PTPN5: variants seen among roughly 807,000 people sequenced by gnomAD.
PTPN5 encodes protein tyrosine phosphatase non-receptor type 5, also known as tyrosine-protein phosphatase non-receptor type 5.
In PTPN5, 29 loss-of-function variants were observed where a neutral mutation model predicts 73.9. The observed-to-expected ratio is 0.39, with a 90% CI of 0.29 to 0.54. The LOEUF (loss-of-function observed/expected upper bound fraction) is 0.54, where lower values mean the gene tolerates loss of function less well. Among genes scored for constraint, PTPN5 ranks in the 20% least tolerant of loss-of-function variants. The probability of loss-of-function intolerance (pLI) is 0.65; values close to 1 mark genes in which losing one functional copy is unlikely to be tolerated. For synonymous variants in PTPN5, 267 were observed against 304.7 expected (o/e 0.88, Z 1.29); for missense variants, 652 against 751.4 (o/e 0.87, Z 1.55).
intron 5 of PTPN5, 102 bp from the exon 6 acceptor site, chr11:18,743,177 C>G (rs1425372252): frequency 8.1e-7 from 1 of 1,229,004 alleles, no homozygotes; most frequent in Non-Finnish European, 1.2e-6. Context: ...CGTCCCAGGT[C>G]TGGGATGGGG....
At chr11:18,732,105 C>A (rs567592191) in intron 12 of PTPN5, among the ~76,000 whole-genome samples, 11 of 152,290 alleles carry the variant, frequency 7.2e-5, no homozygotes, top group African/African-American at 2.2e-4. Context: ...TTTCTGTAAC[C>A]ACAGCCCCCT....
At chr11:18,763,350 G>A (rs918152624) in intron 3 of PTPN5, among the ~76,000 whole-genome samples, 2 of 152,340 alleles carry the variant, frequency 1.3e-5, no homozygotes, top group East Asian at 1.9e-4. Flanking sequence ...TAGCGGTGAC[G>A]ACACGGGCTA....
In PTPN5 at chr11:18,728,125, G is replaced by A. The variant is rs560200289; in HGVS notation, c.*809C>T. On this transcript the variant is annotated 3_prime_UTR_variant, in exon 15 of 15. Transcript: ENST00000358540. The surrounding 1 kb of genome is among the most constrained non-coding windows in gnomAD (Gnocchi z 4.1). The stretch of plus-strand genomic sequence containing the variant: ...GGGCTCTCAACACACGCATGGACAT[G>A]GGAACACACGCAGAGCAACACGCAG... The A allele has an allele frequency of 6.6e-6, 1 of 152,604 alleles. No individual in the cohort carries two copies. The highest frequency in any genetic ancestry group is 1.5e-5 in the Non-Finnish European group (1 of 68,024). The allele number at this position is 152,604 out of a possible 1,614,324, so 9.5% of individuals were successfully genotyped here.
intron 9 of PTPN5, 86 bp downstream of exon 9, chr11:18,737,794 G>T (rs1564891135): frequency 1.7e-6 from 2 of 1,194,648 alleles, no homozygotes; most frequent in Non-Finnish European, 2.5e-6. Flanking sequence ...ACCCCTAGAG[G>T]CCCAGCTGAG....
At chr11:18,786,393 G>A (rs541122574) in intron 1 of PTPN5, among the ~76,000 whole-genome samples, 70 of 152,070 alleles carry the variant, frequency 4.6e-4, no homozygotes, top group Non-Finnish European at 3.5e-4. Flanking sequence ...TAGTAGACAC[G>A]GGATTTCACC....
chr11:18,792,108 C>T (rs954479186), upstream of PTPN5: 11 of 152,456 alleles, frequency 7.2e-5, no homozygotes, highest in African/African-American at 2.6e-4. Flanking sequence ...GATTTTTTCT[C>T]CTCTTGGGAG....
chr11:18,771,885 G>C, intron 2 of PTPN5, 54 bp downstream of exon 2: 1 of 1,529,508 alleles, frequency 6.5e-7, no homozygotes, highest in East Asian at 2.3e-5. Flanking sequence ...GATGGAGAAG[G>C]CTTGGCCTCC....
chr11:18,753,014 A>G (rs1849962231), intron 3 of PTPN5, among the ~76,000 whole-genome samples: 1 of 152,226 alleles, frequency 6.6e-6, no homozygotes, highest in Middle Eastern at 3.2e-3. Context: ...CTAGCATATG[A>G]AGTTCAACAG....
In PTPN5 at chr11:18,737,863, G is replaced by C. The variant is rs1171501050; in HGVS notation, c.1000+17C>G. On this transcript the variant is annotated intron_variant, in intron 9 of 14. Coordinates refer to ENST00000358540, the MANE Select transcript of PTPN5 (RefSeq NM_006906.2). ...AGCTGAGCCTGCCCCCATCCCTCTGGGACAGTGAGTACTCACTGGGAAGTA... is the reference window on the plus strand; with the variant it reads ...AGCTGAGCCTGCCCCCATCCCTCTGCGACAGTGAGTACTCACTGGGAAGTA... 1 of 1,599,032 alleles carries C rather than the reference G, an allele frequency of 6.3e-7. No individual in the cohort carries two copies.
At chr11:18,777,667 C>T (rs1851221966) in intron 1 of PTPN5, among the ~76,000 whole-genome samples, 1 of 152,100 alleles carries the variant, frequency 6.6e-6, no homozygotes, top group African/African-American at 2.4e-5. Flanking sequence ...TAATGTAGGC[C>T]AGGCATGGTG....
Position 18,743,394 on chromosome 11 carries a change from G to A in PTPN5, c.327C>T (p.Gly109=), listed in dbSNP as rs564558860. Residue 109 remains glycine, a synonymous_variant, in exon 5 of 15, where the codon GGC becomes GGT. Transcript: ENST00000358540. Reference sequence around the variant, plus strand: ...TTGTGGCGTTCTGTGACCAGATGTGGCCATAACCGCTGAACCAGAGCACCC... The same window carrying A: ...TTGTGGCGTTCTGTGACCAGATGTGACCATAACCGCTGAACCAGAGCACCC... ...ACGVLWFSGY[G]HIWSQNATNL... is the part of the protein sequence containing the mutation. 1 of 1,614,100 alleles carries A rather than the reference G, an allele frequency of 6.2e-7. No individual in the cohort carries two copies. Among genetic ancestry groups the A allele is most frequent in the South Asian group, 1.1e-5 (1 of 91,084 alleles).
chr11:18,755,631 A>C (rs1323696067), intron 3 of PTPN5, among the ~76,000 whole-genome samples: 1 of 152,056 alleles, frequency 6.6e-6, no homozygotes, highest in East Asian at 1.9e-4. Context: ...ACTGATGCAC[A>C]ATTCCAAATG....
At chr11:18,792,556 C>T (rs112460386), upstream of PTPN5, 13,669 of 152,628 alleles carry the variant, frequency 0.09, 746 homozygotes, top group Non-Finnish European at 0.13. Flanking sequence ...CCATGTGCCC[C>T]ACAATCCTGC....
intron 7 of PTPN5, 99 bp from the exon 8 acceptor site, chr11:18,740,891 C>G (rs1849336018): frequency 1.4e-6 from 1 of 707,450 alleles, no homozygotes. Flanking sequence ...GAGAGATCAG[C>G]TGGGAACAGG....
intron 2 of PTPN5, among the ~76,000 whole-genome samples, chr11:18,770,050 G>A (rs1254401425): frequency 2.6e-5 from 4 of 152,154 alleles, no homozygotes; most frequent in African/African-American, 9.7e-5. Flanking sequence ...CACGAAGTGG[G>A]GGAGCAGCAG....
intron 3 of PTPN5, among the ~76,000 whole-genome samples, chr11:18,764,125 A>G (rs1278360815): frequency 6.6e-6 from 1 of 152,104 alleles, no homozygotes; most frequent in Non-Finnish European, 1.5e-5. Flanking sequence ...CATTGTGGAA[A>G]TTTCCTCTCC....
chr11:18,731,332 C>T (rs991832119), intron 12 of PTPN5, among the ~76,000 whole-genome samples: 2 of 151,872 alleles, frequency 1.3e-5, no homozygotes, highest in African/African-American at 4.8e-5. Flanking sequence ...CTATCTCTAG[C>T]TCAGTACTTA....
rs373469061 is a variant in PTPN5 at position 18,737,946 on chromosome 11, C to T, written c.934G>A (p.Val312Met). ...GGGATGTCGTACTCTTTCGGATCCA[C>T]AAAGTTCATGGGGATTTCCTGTGGA... ...AEFFEIPMNFVDPKEYDIPGL... is the reference protein window; with the variant it reads ...AEFFEIPMNFMDPKEYDIPGL... Residue 312 changes from valine to methionine, a missense_variant, in exon 9 of 15, where the codon GTG (valine) becomes ATG (methionine). By Grantham distance (21) the Val-to-Met change is conservative (BLOSUM62 1). This residue lies in a region of PTPN5 where 529 missense variants were observed against 573.9 expected (regional missense o/e 0.92). Transcript: ENST00000358540. The T allele has an allele frequency of 6.2e-7, 1 of 1,614,178 alleles. No individual in the cohort carries two copies.
chr11:18,771,077 G>A (rs758789866), intron 2 of PTPN5, among the ~76,000 whole-genome samples: 18 of 152,134 alleles, frequency 1.2e-4, no homozygotes, highest in South Asian at 8.3e-4. Flanking sequence ...TTCCAAGGTC[G>A]GTGAGGAGCA....
Sources: allele counts gnomAD v4.1 joint callset (sites outside exome capture counted in the v4.1 genomes callset), GRCh38; gene constraint gnomAD v4.1.1; regional missense constraint gnomAD v4.1.1; non-coding constraint Gnocchi (gnomAD v3.1); transcripts MANE v1.5; gene names NCBI Gene and HGNC (gene_info 2026-07-23, HGNC 2026-07-21).